The following COPE variants were observed in gnomAD, a reference collection of about 807,000 sequenced individuals.
COPE encodes the protein coat protein complex I subunit epsilon, also known as coatomer subunit epsilon.
Under a neutral mutation model 42.1 loss-of-function variants are expected in COPE, and 19 were observed. The observed-to-expected ratio is 0.45, with a 90% CI of 0.31 to 0.66. The LOEUF is 0.66. Among genes scored for constraint, COPE ranks in the 30% least tolerant of loss-of-function variants. COPE has a pLI of 0.05. For synonymous variants in COPE, 195 were observed against 181.3 expected, an observed-to-expected ratio of 1.08 and a Z score of -0.60; for missense variants, 402 against 416.1, an observed-to-expected ratio of 0.97 and a Z score of 0.30.
chr19:18,899,785 GGAGA>G (rs1199954280), intron 9 of COPE, 59 bp from the exon 10 acceptor site: 10 of 1,610,702 alleles, frequency 6.2e-6, no homozygotes, highest in South Asian at 1.1e-5. Flanking sequence ...ACAGGTGGAG[GGAGA>G]GAGAGAGGGC....
intron 3 of COPE, among the ~76,000 whole-genome samples, chr19:18,909,791 G>A (rs2056793835): frequency 6.6e-6 from 1 of 152,140 alleles, no homozygotes; most frequent in East Asian, 1.9e-4. Context: ...GGGATTACAA[G>A]TATGAGCCAC....
rs972452321 is a variant in COPE at position 18,907,078 on chromosome 19, T to G, written c.325A>C (p.Ser109Arg). The G allele has an allele frequency of 1.9e-6, 3 of 1,611,760 alleles. No homozygotes were observed. Among genetic ancestry groups the G allele is most frequent in the Non-Finnish European group, 1.7e-6 (2 of 1,179,446 alleles). ...SIVAELDREM[S>R]RSVDVTNTTF... Reference sequence around the variant, plus strand: ...GTGTTGGTCACGTCCACGCTCCTGCTCATCTCTCGGTCCAGCTCGGCCACG... The same window carrying G: ...GTGTTGGTCACGTCCACGCTCCTGCGCATCTCTCGGTCCAGCTCGGCCACG... Residue 109 changes from serine (S) to arginine (R), a missense_variant, in exon 4 of 10, where the codon AGC becomes CGC. Coordinates refer to ENST00000262812, the MANE Select transcript of COPE (RefSeq NM_007263.4).
chr19:18,917,654 C>T (rs1314810127), intron 1 of COPE, among the ~76,000 whole-genome samples: 7 of 151,982 alleles, frequency 4.6e-5, no homozygotes, highest in Non-Finnish European at 1.0e-4. Flanking sequence ...TGAACCACCG[C>T]GCCCGGCCAG....
At position 18,915,360 on chromosome 19, in the gene COPE, G is replaced by A. The variant is rs1295523481; in HGVS notation, c.127-2314C>T. ...GAGACTGTGCGTGCGGAAGTGCTCA[G>A]AGGCTGCAGAGTGCACTGGAGAGAC... On this transcript the variant is annotated intron_variant, in intron 1 of 9. Coordinates refer to ENST00000262812, the MANE Select transcript of COPE (RefSeq NM_007263.4). Among the ~76,000 whole-genome samples, 3 of 152,258 alleles carry A rather than the reference G, an allele frequency of 2.0e-5. No individual in the cohort carries two copies. The East Asian group carries it at 5.8e-4, about 29-fold the overall frequency.
At chr19:18,918,442 C>T (rs1601241143) in intron 1 of COPE, among the ~76,000 whole-genome samples, 1 of 152,230 alleles carries the variant, frequency 6.6e-6, no homozygotes, top group Middle Eastern at 3.4e-3. Context: ...AGCCACCTTT[C>T]GTGTTTCTTT....
intron 3 of COPE, among the ~76,000 whole-genome samples, chr19:18,907,964 C>T (rs1446827022): frequency 6.6e-6 from 1 of 152,178 alleles, no homozygotes; most frequent in Non-Finnish European, 1.5e-5. Context: ...GACTTCAGGT[C>T]TGAGTCTGTT....
chr19:18,906,863 TC>T, intron 4 of COPE, 96 bp downstream of exon 4: 1 of 1,368,626 alleles, frequency 7.3e-7, no homozygotes, highest in East Asian at 2.5e-5. Context: ...CTTTCTCTGC[TC>T]CCATGACGAC....
chr19:18,906,356 G>A (rs773195027), intron 4 of COPE: 27 of 173,732 alleles, frequency 1.6e-4, no homozygotes, highest in Non-Finnish European at 2.8e-4. Flanking sequence ...TGCCTGGCTC[G>A]CCCTGCAATT....
Position 18,905,464 on chromosome 19 carries a change from G to C in COPE, c.497+112C>G, listed in dbSNP as rs1353871472. ...GACAGCAAGCCACCCCCATGGAAAG[G>C]AAAGACAACAAGAGTAATGACAGCA... On this transcript the variant is annotated intron_variant, in intron 5 of 9. Coordinates refer to ENST00000262812, the MANE Select transcript of COPE (RefSeq NM_007263.4). The C allele has an allele frequency of 4.4e-6, 5 of 1,125,800 alleles. No homozygotes were observed. The African/African-American group carries it at 6.3e-5, about 14-fold the overall frequency. 69.7% of individuals were successfully genotyped at this position (1,125,800 alleles called of 1,614,324 possible).
At chr19:18,900,604 G>A (rs2056689836) in intron 7 of COPE, among the ~76,000 whole-genome samples, 155 bp from the exon 8 acceptor site, 1 of 152,218 alleles carries the variant, frequency 6.6e-6, no homozygotes, top group Admixed American at 6.5e-5. Flanking sequence ...GGAGATCTCA[G>A]ATGATACGGT....
rs2056766327 is a variant in COPE at position 18,907,006 on chromosome 19, G to A, written c.397C>T (p.Pro133Ser). 1.3e-6 allele frequency: 2 copies of A among 1,589,568 alleles called. No individual in the cohort carries two copies. Among genetic ancestry groups the A allele is most frequent in the African/African-American group, 1.3e-5 (1 of 74,508 alleles). ...AASIYLHDQN[P>S]DAALRALHQG... ...TGCAGCGCACGCAGGGCGGCATCCG[G>A]GTTCTGGTCGTGGAGATAGATGGAG... Residue 133 changes from proline (P) to serine (S), a missense_variant, in exon 4 of 10, where the codon CCG (proline) becomes TCG (serine). Physicochemically the swap from Pro to Ser is moderately conservative, Grantham distance 74. Coordinates refer to ENST00000262812, the MANE Select transcript of COPE (RefSeq NM_007263.4).
intron 3 of COPE, among the ~76,000 whole-genome samples, chr19:18,909,713 G>A (rs950400543): frequency 3.9e-5 from 6 of 152,016 alleles, no homozygotes; most frequent in South Asian, 2.1e-4. Flanking sequence ...GTTTCACCAC[G>A]TTGGCCAGGC....
At position 18,905,590 on chromosome 19, in the gene COPE, G is replaced by T. The variant is rs767264313; in HGVS notation, c.483C>A (p.Arg161=). Residue 161 remains arginine, a synonymous_variant, in exon 5 of 10, where the codon CGC becomes CGA. Coordinates refer to ENST00000262812, the MANE Select transcript of COPE (RefSeq NM_007263.4). ...MTVQILLKLD[R]LDLARKELKR... is the part of the protein sequence containing the mutation. ...GGAGGGCTCACCGGGCGAGGTCCAGGCGGTCCAGCTTCAGCAGGATCTGCA... is the reference window on the plus strand; with the variant it reads ...GGAGGGCTCACCGGGCGAGGTCCAGTCGGTCCAGCTTCAGCAGGATCTGCA... 1.5e-5 allele frequency: 24 copies of T among 1,593,116 alleles called. No homozygotes were observed. The highest frequency in any genetic ancestry group is 2.0e-5 in the Non-Finnish European group (23 of 1,177,418).
At chr19:18,914,238 A>G (rs2056835008) in intron 1 of COPE, among the ~76,000 whole-genome samples, 1 of 152,200 alleles carries the variant, frequency 6.6e-6, no homozygotes, top group African/African-American at 2.4e-5. Flanking sequence ...CTTTTCAAGT[A>G]TGCAAAGAAA....
chr19:18,919,271 G>C lies in COPE; in HGVS notation c.78C>G (p.Phe26Leu), dbSNP rs775724219. Reference protein sequence around the residue: ...VDELFDVKNAFYIGSYQQCIN... With the variant: ...VDELFDVKNALYIGSYQQCIN... ...TGCACTGCTGGTAGCTGCCGATGTA[G>C]AAGGCGTTCTTTACGTCGAACAGCT... is the stretch of plus-strand genomic sequence containing the variant. The change falls in exon 1 of 10, where the codon TTC becomes TTG. Residue 26 changes from phenylalanine (F) to leucine (L), a missense_variant. Coordinates refer to ENST00000262812, the MANE Select transcript of COPE (RefSeq NM_007263.4). The C allele has an allele frequency of 1.9e-6, 3 of 1,613,986 alleles. No individual in the cohort carries two copies. Among genetic ancestry groups the C allele is most frequent in the Middle Eastern group, 1.7e-4 (1 of 5,990 alleles).
rs542962508 is a variant in COPE at position 18,909,746 on chromosome 19, C to T, written c.290+1225G>A. ...GGCTGGTCTTGAAAACTCCTGACCT[C>T]AGGTGATCTGCCCACCTCGTCCTCC... On this transcript the variant is annotated intron_variant, in intron 3 of 9. Coordinates refer to ENST00000262812, the MANE Select transcript of COPE (RefSeq NM_007263.4). 1.1e-4 allele frequency among the ~76,000 whole-genome samples: 16 copies of T among 152,174 alleles called. No individual in the cohort carries two copies. The East Asian group carries it at 3.1e-3, about 29-fold the overall frequency.
intron 1 of COPE, among the ~76,000 whole-genome samples, chr19:18,917,951 T>A (rs944799585): frequency 5.3e-5 from 8 of 151,540 alleles, no homozygotes; most frequent in African/African-American, 9.7e-5. Flanking sequence ...AACACTTTGG[T>A]AGGCCAAGGC....
At chr19:18,911,258 G>C in intron 2 of COPE, 187 bp from the exon 3 acceptor site, 2 of 606,546 alleles carry the variant, frequency 3.3e-6, no homozygotes, top group Non-Finnish European at 6.0e-6. Context: ...GAGCAGCCAG[G>C]TGTGCCCTCA....
intron 3 of COPE, among the ~76,000 whole-genome samples, chr19:18,909,915 C>T (rs2056794647): frequency 6.6e-6 from 1 of 152,152 alleles, no homozygotes; most frequent in South Asian, 2.1e-4. Flanking sequence ...GGCAAAGACC[C>T]TTTTTCCAAA....
Sources: allele counts gnomAD v4.1 joint callset (sites outside exome capture counted in the v4.1 genomes callset), GRCh38; gene constraint gnomAD v4.1.1; transcripts MANE v1.5; gene names NCBI Gene and HGNC (gene_info 2026-07-23, HGNC 2026-07-21).